SSBP3: variants seen among roughly 807,000 people sequenced by gnomAD.
SSBP3 encodes single-stranded DNA-binding protein 3.
In SSBP3, 5 loss-of-function variants were observed where a neutral mutation model predicts 69.6. The ratio of observed to expected loss-of-function variants is 0.07; its 90% confidence interval spans 0.04 to 0.15. The LOEUF is 0.15. Among genes scored for constraint, SSBP3 ranks in the 10% least tolerant of loss-of-function variants. The probability of loss-of-function intolerance (pLI) is 1.00; values close to 1 mark genes in which losing one functional copy is unlikely to be tolerated. For missense variants in SSBP3, 312 were observed against 534.0 expected (o/e 0.58, Z 4.10); for synonymous variants, 196 against 193.4 (o/e 1.01, Z -0.11).
chr1:54,348,723 A>G (rs1189657428), intron 4 of SSBP3, among the ~76,000 whole-genome samples: 1 of 152,178 alleles, frequency 6.6e-6, no homozygotes, highest in Admixed American at 6.5e-5. Context: ...GCAGCGGGGC[A>G]GATGCATCCC....
intron 4 of SSBP3, among the ~76,000 whole-genome samples, chr1:54,380,016 C>A (rs1213066432): frequency 1.3e-5 from 2 of 152,142 alleles, no homozygotes; most frequent in South Asian, 2.1e-4. Context: ...CCTCTGTTAG[C>A]GGAAAGAGCC....
At chr1:54,280,917 G>A (rs766691041) in intron 5 of SSBP3, among the ~76,000 whole-genome samples, 20 of 152,100 alleles carry the variant, frequency 1.3e-4, no homozygotes, top group African/African-American at 4.8e-4. Context: ...GATCACACTC[G>A]GAAAAAATCA....
intron 13 of SSBP3, among the ~76,000 whole-genome samples, chr1:54,240,077 T>TGCGC (rs1320904314): frequency 3.1e-3 from 68 of 22,020 alleles, no homozygotes; most frequent in Middle Eastern, 0.019. Flanking sequence ...TGTGTGTGTG[T>TGCGC]GTGTGTGTGT....
chr1:54,248,641 G>A (rs536136889), intron 9 of SSBP3, among the ~76,000 whole-genome samples: 2 of 152,074 alleles, frequency 1.3e-5, no homozygotes, highest in Non-Finnish European at 2.9e-5. Context: ...AGGCTCTGCC[G>A]GGCCCAAGAT....
chr1:54,278,239 T>C (rs779177506), intron 5 of SSBP3, among the ~76,000 whole-genome samples: 90 of 152,272 alleles, frequency 5.9e-4, no homozygotes, highest in Non-Finnish European at 1.1e-3. Flanking sequence ...GCTCCTGTTC[T>C]GTAATGTGAG....
At chr1:54,287,181 A>C (rs752418761) in intron 4 of SSBP3, 4 of 152,228 alleles carry the variant, frequency 2.6e-5, no homozygotes, top group African/African-American at 9.7e-5. Flanking sequence ...GGAAAACTGA[A>C]TAAAAACAAA....
At chr1:54,348,721 G>T (rs1266794258) in intron 4 of SSBP3, among the ~76,000 whole-genome samples, 1 of 152,234 alleles carries the variant, frequency 6.6e-6, no homozygotes, top group Admixed American at 6.5e-5. Context: ...GGGCAGCGGG[G>T]CAGATGCATC....
intron 10 of SSBP3, 104 bp from the exon 11 acceptor site, chr1:54,242,316 G>T: frequency 7.2e-7 from 1 of 1,379,704 alleles, no homozygotes; most frequent in Non-Finnish European, 1.0e-6. Flanking sequence ...ACAACAGGAA[G>T]TCCTTCCTAC....
chr1:54,342,772 T>C (rs1217646143), intron 4 of SSBP3, among the ~76,000 whole-genome samples: 4 of 152,144 alleles, frequency 2.6e-5, no homozygotes, highest in African/African-American at 9.7e-5. Flanking sequence ...TGTGAGGTCA[T>C]GCGGAAAGGC....
At chr1:54,248,555 G>T (rs4927075) in intron 9 of SSBP3, among the ~76,000 whole-genome samples, 1 of 152,106 alleles carries the variant, frequency 6.6e-6, no homozygotes, top group Non-Finnish European at 1.5e-5. Flanking sequence ...CATCCTCAGG[G>T]GAGAGACAGA....
At chr1:54,315,331 C>A (rs1336006741) in intron 4 of SSBP3, among the ~76,000 whole-genome samples, 1 of 152,146 alleles carries the variant, frequency 6.6e-6, no homozygotes, top group Non-Finnish European at 1.5e-5. Context: ...CCTGTCCCTC[C>A]TCTCTTACAT....
In SSBP3 at chr1:54,276,608, C is replaced by CAAA. The variant is rs746933473; in HGVS notation, c.366+4827_366+4829dup. Reference sequence around the variant, plus strand: ...TGGGTGACAGAGTGAGACTCTGTCTCAAAAAAAAAAAAAAAAAAAAAAAAA... The same window carrying CAAA: ...TGGGTGACAGAGTGAGACTCTGTCTCAAAAAAAAAAAAAAAAAAAAAAAAAAAA... On this transcript the variant is annotated intron_variant, in intron 5 of 17. Transcript: ENST00000610401. 1.6e-3 allele frequency among the ~76,000 whole-genome samples: 56 copies of CAAA among 35,204 alleles called. 3 individuals are homozygous for CAAA. Among genetic ancestry groups the CAAA allele is most frequent in the African/African-American group, 7.0e-3 (47 of 6,688 alleles). 23.1% of individuals were successfully genotyped at this position (35,204 alleles called of 152,430 possible).
intron 4 of SSBP3, among the ~76,000 whole-genome samples, chr1:54,364,399 G>A (rs1467178706): frequency 6.6e-6 from 1 of 152,176 alleles, no homozygotes; most frequent in Non-Finnish European, 1.5e-5. Flanking sequence ...CTTTGTAAAT[G>A]CTTACTGAGA....
intron 4 of SSBP3, among the ~76,000 whole-genome samples, chr1:54,381,751 C>G (rs1647672253): frequency 6.6e-6 from 1 of 152,274 alleles, no homozygotes; most frequent in Non-Finnish European, 1.5e-5. Flanking sequence ...CCAAAAATGA[C>G]AGAGCTGGCC....
At chr1:54,243,373 G>T (rs767962655) in intron 9 of SSBP3, 74 bp from the exon 10 acceptor site, 1 of 1,535,974 alleles carries the variant, frequency 6.5e-7, no homozygotes, top group Non-Finnish European at 9.0e-7. Flanking sequence ...GAAACAAACA[G>T]ACAAAACATA....
At chr1:54,401,539 G>A (rs1451001192) in intron 4 of SSBP3, among the ~76,000 whole-genome samples, 1 of 152,164 alleles carries the variant, frequency 6.6e-6, no homozygotes, top group African/African-American at 2.4e-5. Flanking sequence ...CACTAAAGAG[G>A]CTTAGTCCCC....
At chr1:54,289,458 G>A (rs1009411609) in intron 4 of SSBP3, among the ~76,000 whole-genome samples, 1 of 152,126 alleles carries the variant, frequency 6.6e-6, no homozygotes, top group Non-Finnish European at 1.5e-5. Flanking sequence ...GCAAACACTC[G>A]CTTCTGGGGC....
upstream of SSBP3, among the ~76,000 whole-genome samples, chr1:54,406,743 G>GGGGGGCGCTGCGGCAGCGTCCGATGGGA (rs1649807688): frequency 1.3e-5 from 2 of 151,978 alleles, no homozygotes; most frequent in Non-Finnish European, 2.9e-5. Context: ...TGGGGGGCTA[G>GGGGGGCGCTGCGGCAGCGTCCGATGGGA]GGGGGCGCTG....
intron 4 of SSBP3, among the ~76,000 whole-genome samples, chr1:54,323,388 C>T (rs1646248467): frequency 6.6e-6 from 1 of 152,214 alleles, no homozygotes; most frequent in South Asian, 2.1e-4. Flanking sequence ...ACCCCTCCAG[C>T]AGGTGGGGCT....
Sources: allele counts gnomAD v4.1 joint callset (sites outside exome capture counted in the v4.1 genomes callset), GRCh38; gene constraint gnomAD v4.1.1; transcripts MANE v1.5; gene names NCBI Gene and HGNC (gene_info 2026-07-23, HGNC 2026-07-21).